The following HS3ST4 variants were observed in gnomAD, a reference collection of about 807,000 sequenced individuals.
HS3ST4 encodes heparan sulfate-glucosamine 3-sulfotransferase 4, also known as heparan sulfate glucosamine 3-O-sulfotransferase 4.
A neutral mutation model predicts 29.2 loss-of-function variants in HS3ST4; 17 were observed. The ratio of observed to expected loss-of-function variants is 0.58; its 90% CI spans 0.40 to 0.87. The LOEUF (loss-of-function observed/expected upper bound fraction) is 0.87, where lower values mean the gene tolerates loss of function less well. Among genes scored for constraint, HS3ST4 ranks in the 40% least tolerant of loss-of-function variants. The pLI, the probability that HS3ST4 is intolerant of heterozygous loss-of-function variation, is 0.00. For synonymous variants in HS3ST4, 314 were observed against 285.7 expected (o/e 1.10, Z -1.00); for missense variants, 627 against 634.5 (o/e 0.99, Z 0.13).
Position 25,929,306 on chromosome 16 carries a change from C to T in HS3ST4, c.735-206306C>T, listed in dbSNP as rs192291164. 1.8e-3 allele frequency among the ~76,000 whole-genome samples: 279 copies of T among 151,896 alleles called. 1 individual carries two copies. The highest frequency in any genetic ancestry group is 6.5e-3 in the African/African-American group (268 of 41,432). ...CTCAGGCAGGAGAATCACTGGAATCCGGTGAGCTCAGATCACACCACTGCA... is the reference window on the plus strand; with the variant it reads ...CTCAGGCAGGAGAATCACTGGAATCTGGTGAGCTCAGATCACACCACTGCA... On this transcript the variant is annotated intron_variant, in intron 1 of 1. Transcript: ENST00000331351.
intron 1 of HS3ST4, among the ~76,000 whole-genome samples, chr16:25,886,078 GC>G (rs1244832458): frequency 8.2e-6 from 1 of 121,750 alleles, no homozygotes; most frequent in Non-Finnish European, 1.6e-5. Flanking sequence ...TTTCACCCAG[GC>G]TGGAGTGCAG....
chr16:26,029,963 C>T (rs1480488397), intron 1 of HS3ST4, among the ~76,000 whole-genome samples: 2 of 152,222 alleles, frequency 1.3e-5, no homozygotes, highest in African/African-American at 4.8e-5. Context: ...GTCCCCTGAG[C>T]ACCTGTCAAT....
intron 1 of HS3ST4, among the ~76,000 whole-genome samples, chr16:26,123,892 A>G (rs1369007378): frequency 6.6e-6 from 1 of 151,550 alleles, no homozygotes; most frequent in Non-Finnish European, 1.5e-5. Context: ...GATATATACC[A>G]TCTTTCCTAT....
intron 1 of HS3ST4, among the ~76,000 whole-genome samples, chr16:26,082,602 CAAGCT>C (rs1368294895): frequency 1.3e-5 from 2 of 152,224 alleles, no homozygotes; most frequent in African/African-American, 4.8e-5. Context: ...TGGTACACTT[CAAGCT>C]TCCTTGAAAT....
intron 1 of HS3ST4, among the ~76,000 whole-genome samples, chr16:26,128,265 T>C (rs1899372259): frequency 6.6e-6 from 1 of 152,226 alleles, no homozygotes; most frequent in Non-Finnish European, 1.5e-5. Flanking sequence ...TACAGTCTAT[T>C]GAAGGGCAGG....
chr16:25,918,086 A>C (rs1044197107), intron 1 of HS3ST4, among the ~76,000 whole-genome samples: 3 of 152,216 alleles, frequency 2.0e-5, no homozygotes, highest in African/African-American at 7.2e-5. Flanking sequence ...ACCTTTCTGC[A>C]GACATATAAT....
chr16:25,913,136 A>G (rs2141679048), intron 1 of HS3ST4, among the ~76,000 whole-genome samples: 1 of 152,306 alleles, frequency 6.6e-6, no homozygotes, highest in East Asian at 1.9e-4. Flanking sequence ...GCAGATTCTG[A>G]TGGGGTTGGT....
At chr16:26,111,369 C>T (rs1327516099) in intron 1 of HS3ST4, among the ~76,000 whole-genome samples, 6 of 151,058 alleles carry the variant, frequency 4.0e-5, no homozygotes, top group Admixed American at 3.3e-4. Flanking sequence ...GCATAAGCCA[C>T]TGTTCCTGGC....
chr16:25,918,671 C>T (rs1156760486), intron 1 of HS3ST4, among the ~76,000 whole-genome samples: 2 of 152,178 alleles, frequency 1.3e-5, no homozygotes, highest in Non-Finnish European at 2.9e-5. Flanking sequence ...AATAAAGCGC[C>T]AGCCAGTGTG....
intron 1 of HS3ST4, among the ~76,000 whole-genome samples, chr16:25,758,084 C>T (rs139050923): frequency 1.8e-3 from 273 of 152,228 alleles, no homozygotes; most frequent in African/African-American, 6.2e-3. Flanking sequence ...GCACCTATGA[C>T]GAGATAAGGG....
chr16:25,878,469 A>C (rs938892169), intron 1 of HS3ST4, among the ~76,000 whole-genome samples: 2 of 152,182 alleles, frequency 1.3e-5, no homozygotes, highest in Non-Finnish European at 2.9e-5. Flanking sequence ...AGCAAAGCAG[A>C]ACAGAAATCT....
intron 1 of HS3ST4, among the ~76,000 whole-genome samples, chr16:26,088,420 GT>G (rs1365186189): frequency 2.0e-5 from 3 of 152,168 alleles, no homozygotes; most frequent in Non-Finnish European, 4.4e-5. Context: ...GGCTGCTGTG[GT>G]TTTTTGTGTT....
At chr16:26,002,065 C>T (rs933961333) in intron 1 of HS3ST4, among the ~76,000 whole-genome samples, 4 of 152,002 alleles carry the variant, frequency 2.6e-5, no homozygotes, top group African/African-American at 7.3e-5. Flanking sequence ...AACATAGATA[C>T]TATGAGGAGG....
chr16:25,794,883 C>G (rs1223462187), intron 1 of HS3ST4, among the ~76,000 whole-genome samples: 2 of 139,248 alleles, frequency 1.4e-5, no homozygotes, highest in South Asian at 2.3e-4. Flanking sequence ...TGTGGTAAAC[C>G]TTTACTCAAG....
intron 1 of HS3ST4, among the ~76,000 whole-genome samples, chr16:25,698,585 A>C (rs572090379): frequency 4.6e-4 from 70 of 152,336 alleles, no homozygotes; most frequent in Non-Finnish European, 2.1e-4. Context: ...GGAATAAATG[A>C]AATAATAAAA....
At chr16:25,877,892 A>T (rs1386540859) in intron 1 of HS3ST4, among the ~76,000 whole-genome samples, 2 of 152,186 alleles carry the variant, frequency 1.3e-5, no homozygotes, top group African/African-American at 4.8e-5. Context: ...TAAGCACTGG[A>T]GATGTGGTAA....
intron 1 of HS3ST4, among the ~76,000 whole-genome samples, chr16:25,990,059 A>G (rs778207679): frequency 2.2e-4 from 33 of 152,084 alleles, no homozygotes; most frequent in Admixed American, 3.3e-4. Flanking sequence ...GGCATCTTTT[A>G]CTTGGTTATA....
At chr16:25,996,878 A>G (rs1969163289) in intron 1 of HS3ST4, among the ~76,000 whole-genome samples, 1 of 152,198 alleles carries the variant, frequency 6.6e-6, no homozygotes, top group African/African-American at 2.4e-5. Context: ...CATAGACATA[A>G]TAGATCTTCC....
At chr16:26,054,980 G>A (rs576733895) in intron 1 of HS3ST4, among the ~76,000 whole-genome samples, 2 of 151,890 alleles carry the variant, frequency 1.3e-5, no homozygotes, top group South Asian at 4.2e-4. Context: ...TGCTGGACTA[G>A]ATGTTCTATG....
Sources: gnomAD v4.1 joint callset for allele counts (sites outside exome capture counted in the v4.1 genomes callset) on GRCh38, gnomAD v4.1.1 for gene constraint, MANE v1.5 for transcripts, NCBI Gene and HGNC (gene_info 2026-07-23, HGNC 2026-07-21) for gene names.